SPIRE1: variants seen among roughly 807,000 people sequenced by gnomAD.
SPIRE1 encodes protein spire homolog 1.
Under a neutral mutation model 94.1 loss-of-function variants are expected in SPIRE1, and 40 were observed. The ratio of observed to expected loss-of-function variants is 0.43; its 90% CI spans 0.33 to 0.55. The LOEUF is 0.55. Ranked by LOEUF, SPIRE1 falls within the 20% of genes least tolerant of loss-of-function variation. The probability of loss-of-function intolerance (pLI) is 0.06; values close to 1 mark genes in which losing one functional copy is unlikely to be tolerated. For synonymous variants in SPIRE1, 376 were observed against 371.7 expected, an observed-to-expected ratio of 1.01 and a Z score of -0.13; for missense variants, 838 against 975.2, an observed-to-expected ratio of 0.86 and a Z score of 1.87.
intron 2 of SPIRE1, among the ~76,000 whole-genome samples, chr18:12,609,412 T>C (rs368502763): frequency 6.6e-5 from 10 of 151,940 alleles, no homozygotes; most frequent in African/African-American, 2.4e-4. Flanking sequence ...GGAGTACTTA[T>C]AGCACAGAAA....
chr18:12,591,610 T>C (rs886655172), intron 2 of SPIRE1, among the ~76,000 whole-genome samples: 2 of 152,136 alleles, frequency 1.3e-5, no homozygotes, highest in Non-Finnish European at 2.9e-5. Context: ...CCAAACGCAT[T>C]TGCTAATACA....
intron 7 of SPIRE1, among the ~76,000 whole-genome samples, chr18:12,493,867 G>C (rs1256555922): frequency 6.6e-6 from 1 of 151,940 alleles, no homozygotes; most frequent in Non-Finnish European, 1.5e-5. Flanking sequence ...TTGCAATGCA[G>C]GTTATTACTA....
chr18:12,644,257 T>A (rs2038163918), intron 1 of SPIRE1, among the ~76,000 whole-genome samples: 1 of 150,916 alleles, frequency 6.6e-6, no homozygotes, highest in African/African-American at 2.4e-5. Context: ...TTAAGGAACT[T>A]AACAATTTCC....
intron 4 of SPIRE1, among the ~76,000 whole-genome samples, chr18:12,525,291 A>AAT (rs1555619685): frequency 6.8e-6 from 1 of 146,690 alleles, no homozygotes; most frequent in Non-Finnish European, 1.5e-5. Context: ...AAAAAAAAAA[A>AAT]AAAAAAATAA....
chr18:12,636,026 G>A lies in SPIRE1; in HGVS notation c.338-930C>T, dbSNP rs1001670854. ...ACCTTGGCCTCCTGAGTGAGTAGCT[G>A]GGACTACAGGCACCCACCACCATGC... On this transcript the variant is annotated intron_variant, in intron 1 of 16. Coordinates refer to ENST00000409402, the MANE Select transcript of SPIRE1 (RefSeq NM_001128626.2). Among the ~76,000 whole-genome samples the A allele has an allele frequency of 3.3e-5, 5 of 151,948 alleles. No homozygotes were observed. The East Asian group carries it at 5.8e-4, about 18-fold the overall frequency.
At chr18:12,521,119 T>C (rs960347499) in intron 4 of SPIRE1, among the ~76,000 whole-genome samples, 2 of 152,322 alleles carry the variant, frequency 1.3e-5, no homozygotes, top group Non-Finnish European at 2.9e-5. Context: ...AGCCTAGTCA[T>C]TTTAGAAAAC....
intron 4 of SPIRE1, among the ~76,000 whole-genome samples, chr18:12,515,884 C>G (rs531060327): frequency 4.6e-4 from 70 of 152,288 alleles, no homozygotes; most frequent in African/African-American, 1.6e-3. Flanking sequence ...CATCACATTT[C>G]AACATTTCCC....
At chr18:12,560,733 T>C (rs1372370044) in intron 2 of SPIRE1, among the ~76,000 whole-genome samples, 2 of 152,030 alleles carry the variant, frequency 1.3e-5, no homozygotes, top group Admixed American at 6.6e-5. Context: ...GTGTCTATAA[T>C]CCCAGCTACT....
In SPIRE1 at chr18:12,641,825, T is replaced by C. The variant is rs1598574663; in HGVS notation, c.338-6729A>G. ...AGTTGCATTTTAAGGGAAAAAAGAA[T>C]GTTATGCTTTTTTTTTTTTTTTTTT... is the stretch of plus-strand genomic sequence containing the variant. On this transcript the variant is annotated intron_variant, in intron 1 of 16. Coordinates refer to ENST00000409402, the MANE Select transcript of SPIRE1 (RefSeq NM_001128626.2). Among the ~76,000 whole-genome samples the C allele has an allele frequency of 2.0e-5, 3 of 150,430 alleles. No homozygotes were observed. The South Asian group carries it at 6.3e-4, about 32-fold the overall frequency.
chr18:12,493,682 C>T (rs1712244570), intron 7 of SPIRE1, among the ~76,000 whole-genome samples: 1 of 152,186 alleles, frequency 6.6e-6, no homozygotes, highest in Non-Finnish European at 1.5e-5. Context: ...GCTGGGATTA[C>T]AGGCATGAGC....
At chr18:12,526,178 G>A (rs1007431770) in intron 4 of SPIRE1, among the ~76,000 whole-genome samples, 2 of 151,778 alleles carry the variant, frequency 1.3e-5, no homozygotes, top group African/African-American at 4.8e-5. Context: ...CTTCCCATCA[G>A]ATGCTTGTAT....
At chr18:12,486,553 G>GACAGA (rs2033049384) in intron 8 of SPIRE1, among the ~76,000 whole-genome samples, 2 of 152,174 alleles carry the variant, frequency 1.3e-5, no homozygotes, top group Non-Finnish European at 2.9e-5. Context: ...TGAAGGACAG[G>GACAGA]ACAGATTGCC....
upstream of SPIRE1, among the ~76,000 whole-genome samples, chr18:12,659,346 A>G (rs369278319): frequency 2.6e-5 from 4 of 152,296 alleles, no homozygotes; most frequent in East Asian, 7.7e-4. Flanking sequence ...GGAGGGAGAA[A>G]AGCAACAGGA....
intron 2 of SPIRE1, among the ~76,000 whole-genome samples, chr18:12,633,073 T>C (rs1284191035): frequency 6.6e-6 from 1 of 152,160 alleles, no homozygotes; most frequent in East Asian, 1.9e-4. Flanking sequence ...ATTAACATTT[T>C]ATAGATAAGA....
chr18:12,587,438 G>A (rs1331620210), intron 2 of SPIRE1, among the ~76,000 whole-genome samples: 1 of 151,858 alleles, frequency 6.6e-6, no homozygotes, highest in Non-Finnish European at 1.5e-5. Flanking sequence ...ATATATTTTA[G>A]CACTGATAAG....
chr18:12,647,543 T>C (rs941756902), intron 1 of SPIRE1, among the ~76,000 whole-genome samples: 1 of 151,592 alleles, frequency 6.6e-6, no homozygotes, highest in Non-Finnish European at 1.5e-5. Context: ...TTGAATGGGG[T>C]TCAAGACCAG....
chr18:12,615,258 G>A lies in SPIRE1; in HGVS notation c.372+19804C>T, dbSNP rs552328307. Among the ~76,000 whole-genome samples, 105 of 140,898 alleles carry A rather than the reference G, an allele frequency of 7.5e-4. 4 individuals carry two copies. The highest frequency in any genetic ancestry group is 1.5e-4 in the Non-Finnish European group (10 of 65,848). The allele number at this position is 140,898 out of a possible 152,430, so 92.4% of individuals were successfully genotyped here. Reference sequence around the variant, plus strand: ...CAGGAGAATTGCTTGAACCCAGGAGGCAGAGGTTGCAGTGAGCCGAGATTG... The same window carrying A: ...CAGGAGAATTGCTTGAACCCAGGAGACAGAGGTTGCAGTGAGCCGAGATTG... On this transcript the variant is annotated intron_variant, in intron 2 of 16. Coordinates refer to ENST00000409402, the MANE Select transcript of SPIRE1 (RefSeq NM_001128626.2).
In SPIRE1 at chr18:12,463,364, C is replaced by A; in HGVS notation, c.1625G>T (p.Ser542Ile). 1 of 1,613,414 alleles carries A rather than the reference C, an allele frequency of 6.2e-7. No homozygotes were observed. Among genetic ancestry groups the A allele is most frequent in the Non-Finnish European group, 8.5e-7 (1 of 1,179,606 alleles). ...TCCTGTACTTACAAGAGAGCGGGAA[C>A]TCTGCCTGGAAGGCGGCAGGAACTG... ...VRQFLPPSRQ[S>I]SRSLEEFCYP... Residue 542 changes from serine to isoleucine, a missense_variant, in exon 12 of 17, where the codon AGT (serine) becomes ATT (isoleucine). This residue lies in a region of SPIRE1 where 645 missense variants were observed against 804.7 expected (regional missense o/e 0.80). Coordinates refer to ENST00000409402, the MANE Select transcript of SPIRE1 (RefSeq NM_001128626.2).
At chr18:12,593,208 C>T (rs527742965) in intron 2 of SPIRE1, among the ~76,000 whole-genome samples, 2 of 152,284 alleles carry the variant, frequency 1.3e-5, no homozygotes, top group East Asian at 3.9e-4. Flanking sequence ...AAACTATAAC[C>T]TATTAACTGT....
Sources: allele counts gnomAD v4.1 joint callset (sites outside exome capture counted in the v4.1 genomes callset), GRCh38; gene constraint gnomAD v4.1.1; regional missense constraint gnomAD v4.1.1; transcripts MANE v1.5; gene names NCBI Gene and HGNC (gene_info 2026-07-23, HGNC 2026-07-21).